The following SEMA6A variants were observed in gnomAD, a reference collection of about 807,000 sequenced individuals.
SEMA6A encodes semaphorin 6A.
In SEMA6A, 25 loss-of-function variants were observed where a neutral mutation model predicts 96.8. The observed-to-expected ratio is 0.26, with a 90% CI of 0.19 to 0.36. The LOEUF (loss-of-function observed/expected upper bound fraction) is 0.36. Among genes scored for constraint, SEMA6A ranks in the 10% least tolerant of loss-of-function variants. The pLI is 1.00. For synonymous variants in SEMA6A, 612 were observed against 518.0 expected (o/e 1.18, Z -2.46); for missense variants, 1,363 against 1,323.1 (o/e 1.03, Z -0.47).
intron 4 of SEMA6A, 128 bp from the exon 5 acceptor site, chr5:116,496,441 C>T (rs1757608166): frequency 1.5e-6 from 1 of 658,118 alleles, no homozygotes; most frequent in Non-Finnish European, 2.5e-6. Flanking sequence ...CACCCTTTCT[C>T]CATGATTAAT....
In SEMA6A at chr5:116,447,527, T is replaced by A. The variant is rs1412321436; in HGVS notation, c.2179A>T (p.Met727Leu). ...GGAGTGGCGAGCTTGCCGTTGTGCATGAGTGGCGTGAGGATGGCCTCCGGC... is the reference window on the plus strand; with the variant it reads ...GGAGTGGCGAGCTTGCCGTTGTGCAAGAGTGGCGTGAGGATGGCCTCCGGC... ...PKPEAILTPLMHNGKLATPGN... is the reference protein window; with the variant it reads ...PKPEAILTPLLHNGKLATPGN... Residue 727 changes from methionine (M) to leucine (L), a missense_variant, in exon 19 of 19, where the codon ATG becomes TTG. Met to Leu is a conservative substitution (Grantham distance 15). Coordinates refer to ENST00000343348, the MANE Select transcript of SEMA6A (RefSeq NM_020796.5). 3.1e-6 allele frequency: 5 copies of A among 1,614,092 alleles called. No individual in the cohort carries two copies.
chr5:116,485,868 T>C (rs139090937), intron 10 of SEMA6A, among the ~76,000 whole-genome samples: 421 of 152,320 alleles, frequency 2.8e-3, no homozygotes, highest in Non-Finnish European at 4.7e-3. Context: ...ACGAGGACTC[T>C]GAAATCTTGT....
At chr5:116,552,866 A>G (rs958950041) in intron 1 of SEMA6A, among the ~76,000 whole-genome samples, 3 of 152,206 alleles carry the variant, frequency 2.0e-5, no homozygotes, top group Non-Finnish European at 4.4e-5. Flanking sequence ...GGAAAATTTT[A>G]AAGAGTAAAA....
intron 1 of SEMA6A, among the ~76,000 whole-genome samples, chr5:116,537,335 T>TCAAA (rs1759760746): frequency 6.6e-6 from 1 of 152,170 alleles, no homozygotes; most frequent in African/African-American, 2.4e-5. Context: ...AATGACTTAC[T>TCAAA]CAAAGACACA....
At chr5:116,480,822 G>C (rs553554088) in intron 11 of SEMA6A, among the ~76,000 whole-genome samples, 1 of 152,048 alleles carries the variant, frequency 6.6e-6, no homozygotes, top group Admixed American at 6.6e-5. Context: ...TTTTATTTTT[G>C]TTTGATTTTG....
At chr5:116,451,554 T>G (rs1407235349) in intron 18 of SEMA6A, among the ~76,000 whole-genome samples, 1 of 152,152 alleles carries the variant, frequency 6.6e-6, no homozygotes, top group Admixed American at 6.5e-5. Context: ...CTCAGTGGAG[T>G]GCAAATCCTG....
At chr5:116,495,772 G>C (rs1757567884) in intron 5 of SEMA6A, 1 of 414,798 alleles carries the variant, frequency 2.4e-6, no homozygotes, top group African/African-American at 2.0e-5. Flanking sequence ...AGGCAAGCCT[G>C]GAAATGCCAA....
In SEMA6A at chr5:116,447,726, G is replaced by A. The variant is rs775927401; in HGVS notation, c.1980C>T (p.Val660=). Residue 660 remains valine, a synonymous_variant, in exon 19 of 19, where the codon GTC becomes GTT. Coordinates refer to ENST00000343348, the MANE Select transcript of SEMA6A (RefSeq NM_020796.5). ...LLAIAVILAF[V]MGAVFSGITV... ...TGATGCCCGAGAAGACGGCCCCCATGACGAAAGCCAGGATGACTGCAATGG... is the reference window on the plus strand; with the variant it reads ...TGATGCCCGAGAAGACGGCCCCCATAACGAAAGCCAGGATGACTGCAATGG... The A allele has an allele frequency of 1.9e-6, 3 of 1,613,968 alleles. No homozygotes were observed. The highest frequency in any genetic ancestry group is 2.5e-6 in the Non-Finnish European group (3 of 1,179,840).
rs185504747 is a variant in SEMA6A, at chr5:116,447,034, G to C, written c.2672C>G (p.Pro891Arg). The C allele has an allele frequency of 3.1e-6, 5 of 1,613,868 alleles. No homozygotes were observed. The highest frequency in any genetic ancestry group is 2.2e-5 in the South Asian group (2 of 91,074). The change falls in exon 19 of 19, where the codon CCG (proline) becomes CGG (arginine). Residue 891 changes from proline (P) to arginine (R), a missense_variant. Around this residue, in one of 2 missense-constraint regions of SEMA6A, gnomAD observed 883 missense variants for 763.6 expected, o/e 1.16. Transcript: ENST00000343348. The stretch of plus-strand genomic sequence containing the variant: ...ACCGGTCTGAGACAGGGAGGCTCCC[G>C]GGGGACCCAGGGAGGCCTCCCGCTG... ...VPQREASLGP[P>R]GASLSQTGLS...
chr5:116,490,885 T>C (rs1757295675), intron 7 of SEMA6A, among the ~76,000 whole-genome samples: 2 of 152,230 alleles, frequency 1.3e-5, no homozygotes, highest in Non-Finnish European at 2.9e-5. Context: ...CATACACAGC[T>C]GGTAATGAAT....
At chr5:116,477,149 T>A (rs1002952521) in intron 15 of SEMA6A, among the ~76,000 whole-genome samples, 3 of 152,226 alleles carry the variant, frequency 2.0e-5, no homozygotes, top group Non-Finnish European at 4.4e-5. Context: ...ATTGAATACT[T>A]CTGCAAATTT....
chr5:116,446,540 T>C lies in SEMA6A; in HGVS notation c.*73A>G. The C allele has an allele frequency of 1.5e-6, 2 of 1,312,730 alleles. No individual in the cohort carries two copies. Among genetic ancestry groups the C allele is most frequent in the African/African-American group, 1.5e-5 (1 of 66,978 alleles). The allele number at this position is 1,312,730 out of a possible 1,614,324, so 81.3% of individuals were successfully genotyped here. Reference sequence around the variant, plus strand: ...TGGTCTGGTGGGTACTCGAGGCAGTTGAGAACCTTGCTGAGCTGAGCGGGC... The same window carrying C: ...TGGTCTGGTGGGTACTCGAGGCAGTCGAGAACCTTGCTGAGCTGAGCGGGC... On this transcript the variant is annotated 3_prime_UTR_variant, in exon 19 of 19. Transcript: ENST00000343348.
Position 116,502,655 on chromosome 5 carries a change from T to G in SEMA6A, c.101-328A>C, listed in dbSNP as rs141267724. ...GAAGGTGCTCTTTTCTTCCACAGTT[T>G]TCTTTTCATCTTCTGTAGAGCTAAG... On this transcript the variant is annotated intron_variant, in intron 2 of 18. Transcript: ENST00000343348. 2.2e-3 allele frequency: 521 copies of G among 233,806 alleles called. 5 individuals carry two copies. Among genetic ancestry groups the G allele is most frequent in the African/African-American group, 0.011 (487 of 43,836 alleles). 14.5% of individuals were successfully genotyped at this position (233,806 alleles called of 1,614,324 possible).
In SEMA6A at chr5:116,496,329, A is replaced by C; in HGVS notation, c.280-16T>G. On this transcript the variant is annotated splice_polypyrimidine_tract_variant and intron_variant, in intron 4 of 18. Coordinates refer to ENST00000343348, the MANE Select transcript of SEMA6A (RefSeq NM_020796.5). ...ATGTCAGTTTCTGCAGGGATCAAGA[A>C]AGAAATCAATTAGAGCCCAGAGGTT... 6.2e-7 allele frequency: 1 copy of C among 1,612,054 alleles called. No individual in the cohort carries two copies. The highest frequency in any genetic ancestry group is 2.2e-5 in the East Asian group (1 of 44,814).
At chr5:116,568,384 G>T (rs2112919379) in intron 1 of SEMA6A, among the ~76,000 whole-genome samples, 1 of 152,276 alleles carries the variant, frequency 6.6e-6, no homozygotes, top group Non-Finnish European at 1.5e-5. Context: ...AGGTCTTCTT[G>T]TCTCCAAGTG....
At chr5:116,568,624 A>C (rs1313228893) in intron 1 of SEMA6A, among the ~76,000 whole-genome samples, 3 of 152,214 alleles carry the variant, frequency 2.0e-5, no homozygotes, top group Admixed American at 6.5e-5. Flanking sequence ...TTTCTTGGCA[A>C]GTTGATTTTA....
chr5:116,520,444 A>G (rs1415336491), intron 1 of SEMA6A, among the ~76,000 whole-genome samples: 1 of 152,132 alleles, frequency 6.6e-6, no homozygotes, highest in Non-Finnish European at 1.5e-5. Flanking sequence ...TAAACTCTTA[A>G]CAAATATTCA....
intron 17 of SEMA6A, chr5:116,471,616 A>G (rs964715475): frequency 1.3e-5 from 2 of 152,150 alleles, no homozygotes. Context: ...TCTGGTTTCA[A>G]TCATAGATGA....
At position 116,482,457 on chromosome 5, in the gene SEMA6A, C is replaced by A; in HGVS notation, c.1081G>T (p.Val361Phe). The A allele has an allele frequency of 1.2e-6, 2 of 1,613,296 alleles. No homozygotes were observed. The highest frequency in any genetic ancestry group is 1.7e-6 in the Non-Finnish European group (2 of 1,179,516). ...STWTPVPDER[V>F]PKPRPGCCAG... is the part of the protein sequence containing the mutation. ...ATTTGCACATACCTGGGCTTAGGAACTCGTTCATCAGGAACTGGTGTCCAG... is the reference window on the plus strand; with the variant it reads ...ATTTGCACATACCTGGGCTTAGGAAATCGTTCATCAGGAACTGGTGTCCAG... The change falls in exon 11 of 19, where the codon GTT becomes TTT. Residue 361 changes from valine to phenylalanine, a missense_variant. Val to Phe is a conservative substitution (Grantham distance 50, BLOSUM62 -1). Coordinates refer to ENST00000343348, the MANE Select transcript of SEMA6A (RefSeq NM_020796.5).
Sources: allele counts gnomAD v4.1 joint callset (sites outside exome capture counted in the v4.1 genomes callset), GRCh38; gene constraint gnomAD v4.1.1; regional missense constraint gnomAD v4.1.1; transcripts MANE v1.5; gene names NCBI Gene and HGNC (gene_info 2026-07-23, HGNC 2026-07-21).